The following TRPM3 variants were observed in gnomAD, a reference collection of about 807,000 sequenced individuals.
TRPM3 encodes long transient receptor potential channel 3.
Under a neutral mutation model 181.2 loss-of-function variants are expected in TRPM3, and 77 were observed. The ratio of observed to expected loss-of-function variants is 0.42; its 90% CI spans 0.35 to 0.51. TRPM3 has a LOEUF of 0.51. Among genes scored for constraint, TRPM3 ranks in the 20% least tolerant of loss-of-function variants. The pLI is 0.01. For missense variants in TRPM3, 1,759 were observed against 2,196.7 expected (o/e 0.80, Z 3.98); for synonymous variants, 745 against 796.4 (o/e 0.94, Z 1.09).
At chr9:71,403,072 G>C (rs2093371363) in intron 1 of TRPM3, among the ~76,000 whole-genome samples, 1 of 152,120 alleles carries the variant, frequency 6.6e-6, no homozygotes, top group Non-Finnish European at 1.5e-5. Context: ...GTGGATAAAG[G>C]CTCACCTAGA....
At chr9:71,238,837 T>C (rs1024265462) in intron 1 of TRPM3, among the ~76,000 whole-genome samples, 10 of 152,156 alleles carry the variant, frequency 6.6e-5, no homozygotes, top group Non-Finnish European at 1.2e-4. Flanking sequence ...GCTTTCTCTC[T>C]CCCTAGTACA....
intron 7 of TRPM3, among the ~76,000 whole-genome samples, chr9:70,762,284 C>T (rs944528428): frequency 2.0e-5 from 3 of 152,164 alleles, no homozygotes; most frequent in Non-Finnish European, 4.4e-5. Context: ...TCATTATTTA[C>T]GTCAAGCTTT....
chr9:71,256,144 C>G (rs2082657268), intron 1 of TRPM3, among the ~76,000 whole-genome samples: 1 of 152,136 alleles, frequency 6.6e-6, no homozygotes, highest in South Asian at 2.1e-4. Flanking sequence ...TTCAAAGTTA[C>G]AAATGCTCAA....
intron 1 of TRPM3, among the ~76,000 whole-genome samples, chr9:71,311,828 CCA>C (rs150601418): frequency 4.0e-5 from 6 of 151,330 alleles, no homozygotes; most frequent in East Asian, 3.9e-4. Flanking sequence ...AAAAAACAAA[CCA>C]CACACACACA....
intron 22 of TRPM3, among the ~76,000 whole-genome samples, chr9:70,553,737 G>A (rs1268592334): frequency 6.6e-6 from 1 of 152,240 alleles, no homozygotes; most frequent in Non-Finnish European, 1.5e-5. Context: ...ACAGCTGTAA[G>A]AGCAGCAGCA....
intron 17 of TRPM3, 66 bp from the exon 18 acceptor site, chr9:70,616,141 AG>A (rs1307680600): frequency 7.8e-7 from 1 of 1,274,532 alleles, no homozygotes; most frequent in African/African-American, 1.5e-5. Context: ...GTGGTTGTTT[AG>A]AATCAGAGAG....
In TRPM3 at chr9:71,264,272, C is replaced by T. The variant is rs73647991; in HGVS notation, c.183+182381G>A. Among the ~76,000 whole-genome samples the T allele has an allele frequency of 4.3e-3, 659 of 152,184 alleles. 3 individuals are homozygous for T. The highest frequency in any genetic ancestry group is 0.015 in the African/African-American group (636 of 41,518). On this transcript the variant is annotated intron_variant, in intron 1 of 24. Transcript: ENST00000357533. ...GAAAAACGCATTGTGGAATGGTGTG[C>T]CCCCTCTCAGAAGTCAAAGAGAATT...
chr9:70,969,285 G>C (rs10868933), intron 1 of TRPM3, among the ~76,000 whole-genome samples: 28,173 of 151,696 alleles, frequency 0.19, 2,937 homozygotes, highest in South Asian at 0.23. Context: ...GGGGTGGGGG[G>C]CTAGGGGAGG....
chr9:71,305,232 A>G (rs72735806), intron 1 of TRPM3, among the ~76,000 whole-genome samples: 1 of 152,352 alleles, frequency 6.6e-6, no homozygotes, highest in Non-Finnish European at 1.5e-5. Flanking sequence ...TTTAATTATA[A>G]TCAAAATACA....
intron 1 of TRPM3, among the ~76,000 whole-genome samples, chr9:70,950,761 A>T (rs2096989409): frequency 6.6e-6 from 1 of 152,118 alleles, no homozygotes; most frequent in Non-Finnish European, 1.5e-5. Context: ...TTCAGCTTGC[A>T]CTGAGGCCTC....
At chr9:71,446,682 G>C in exon 1 of TRPM3, 5 of 1,550,396 alleles carry the variant, frequency 3.2e-6, no homozygotes, top group East Asian at 2.4e-5. Flanking sequence ...AGTCCCGAGC[G>C]TTTGGTGGAC....
chr9:71,418,926 G>GTA (rs1235766848), intron 1 of TRPM3, among the ~76,000 whole-genome samples: 5 of 140,878 alleles, frequency 3.5e-5, no homozygotes, highest in Admixed American at 1.5e-4. Context: ...ATGTGTGTGT[G>GTA]TGTATATATA....
chr9:71,364,939 T>G (rs2092287146), intron 1 of TRPM3, among the ~76,000 whole-genome samples: 1 of 152,060 alleles, frequency 6.6e-6, no homozygotes. Context: ...GGAAAGAAAA[T>G]AAAATAAGAT....
chr9:71,200,812 C>G (rs2078734095), intron 1 of TRPM3, among the ~76,000 whole-genome samples: 1 of 152,040 alleles, frequency 6.6e-6, no homozygotes, highest in Admixed American at 6.6e-5. Context: ...ACTGATGGGT[C>G]TTGACTCTTT....
intron 8 of TRPM3, among the ~76,000 whole-genome samples, chr9:70,742,865 A>G (rs1226816668): frequency 6.6e-6 from 1 of 152,144 alleles, no homozygotes; most frequent in Non-Finnish European, 1.5e-5. Context: ...TTCCTAAATC[A>G]AGTTCCATTC....
intron 1 of TRPM3, among the ~76,000 whole-genome samples, chr9:71,035,877 C>A (rs1056149724): frequency 2.0e-5 from 3 of 148,368 alleles, no homozygotes; most frequent in Non-Finnish European, 3.0e-5. Context: ...ATATATGGTA[C>A]AAATTATTAA....
At chr9:71,043,179 A>C (rs997513564) in intron 1 of TRPM3, among the ~76,000 whole-genome samples, 1 of 152,202 alleles carries the variant, frequency 6.6e-6, no homozygotes, top group Non-Finnish European at 1.5e-5. Flanking sequence ...GCTGTCTGAC[A>C]TATTCTCTCT....
At chr9:71,197,460 G>T (rs1357439708) in intron 1 of TRPM3, among the ~76,000 whole-genome samples, 3 of 151,970 alleles carry the variant, frequency 2.0e-5, no homozygotes, top group Admixed American at 6.6e-5. Context: ...ACTTCCACAA[G>T]GGTTGAACTA....
At chr9:71,081,280 C>A (rs672374) in intron 1 of TRPM3, among the ~76,000 whole-genome samples, 1 of 152,216 alleles carries the variant, frequency 6.6e-6, no homozygotes, top group Non-Finnish European at 1.5e-5. Context: ...ATCTGTGGAC[C>A]TAATTAGGAA....
Sources: gnomAD v4.1 joint callset for allele counts (sites outside exome capture counted in the v4.1 genomes callset) on GRCh38, gnomAD v4.1.1 for gene constraint, MANE v1.5 for transcripts, NCBI Gene and HGNC (gene_info 2026-07-23, HGNC 2026-07-21) for gene names.